Variants in MGAT5 observed in about 807,000 individuals in gnomAD.
The protein encoded by MGAT5 is alpha-1,6-mannosylglycoprotein 6-beta-N-acetylglucosaminyltransferase A.
In MGAT5, 30 loss-of-function variants were observed where a neutral mutation model predicts 94.3. That is an observed-to-expected ratio of 0.32 (90% CI 0.24 to 0.43). The LOEUF is 0.43. Ranked by LOEUF, MGAT5 falls within the 20% of genes least tolerant of loss-of-function variation. MGAT5 has a pLI of 1.00. For missense variants in MGAT5, 691 were observed against 905.5 expected (o/e 0.76, Z 3.04); for synonymous variants, 310 against 322.9 (o/e 0.96, Z 0.43).
intron 11 of MGAT5, among the ~76,000 whole-genome samples, chr2:134,404,536 T>G (rs1186779675): frequency 6.6e-6 from 1 of 152,134 alleles, no homozygotes; most frequent in Non-Finnish European, 1.5e-5. Flanking sequence ...TAATTGCACA[T>G]TAAAGCTCTG....
chr2:134,221,217 T>C (rs1451770561), intron 1 of MGAT5, among the ~76,000 whole-genome samples: 1 of 152,240 alleles, frequency 6.6e-6, no homozygotes, highest in Non-Finnish European at 1.5e-5. Context: ...CTTGGTTTTA[T>C]GTATTTTAGG....
In MGAT5 at chr2:134,403,160, G is replaced by C. The variant is rs376183905; in HGVS notation, c.1530+23G>C. ...AAGGTAAAAATTCACCACGGATGTG[G>C]TGTTCAGGTTATTGCCATTGGCTGT... is the stretch of plus-strand genomic sequence containing the variant. On this transcript the variant is annotated intron_variant, in intron 11 of 15. Coordinates refer to ENST00000281923, the MANE Select transcript of MGAT5 (RefSeq NM_002410.5). 2.5e-5 allele frequency: 40 copies of C among 1,592,062 alleles called. No individual in the cohort carries two copies. In the African/African-American group the frequency reaches 5.0e-4, roughly 20 times the overall value.
intron 10 of MGAT5, among the ~76,000 whole-genome samples, chr2:134,393,526 T>G (rs1228304286): frequency 6.6e-6 from 1 of 152,156 alleles, no homozygotes. Context: ...TATGTCTTAT[T>G]TGGAGTCTGT....
intron 1 of MGAT5, among the ~76,000 whole-genome samples, chr2:134,258,749 C>T (rs762610906): frequency 3.9e-5 from 6 of 152,152 alleles, no homozygotes; most frequent in Non-Finnish European, 7.3e-5. Flanking sequence ...AGTGGCAGGT[C>T]GAGAGTTGTA....
chr2:134,169,537 C>A (rs1403362852), intron 1 of MGAT5, among the ~76,000 whole-genome samples: 4 of 152,038 alleles, frequency 2.6e-5, no homozygotes, highest in African/African-American at 9.7e-5. Flanking sequence ...ACAGCATAAT[C>A]CCAAGAAGAA....
intron 2 of MGAT5, among the ~76,000 whole-genome samples, chr2:134,275,825 C>T (rs897394351): frequency 6.6e-6 from 1 of 152,058 alleles, no homozygotes; most frequent in East Asian, 1.9e-4. Context: ...TAGGCTCAAA[C>T]GATCCTCCCA....
chr2:134,149,806 A>G (rs1420022486), intron 1 of MGAT5, among the ~76,000 whole-genome samples: 1 of 152,214 alleles, frequency 6.6e-6, no homozygotes, highest in Non-Finnish European at 1.5e-5. Context: ...GAAAAGCCCT[A>G]TCACCTCTAA....
chr2:134,370,286 T>C (rs1680703342), intron 10 of MGAT5, among the ~76,000 whole-genome samples: 1 of 152,244 alleles, frequency 6.6e-6, no homozygotes, highest in African/African-American at 2.4e-5. Flanking sequence ...AGATTAAACC[T>C]TGTCATTCTG....
At chr2:134,189,676 A>G (rs1689271472) in intron 1 of MGAT5, among the ~76,000 whole-genome samples, 2 of 139,588 alleles carry the variant, frequency 1.4e-5, no homozygotes, top group Non-Finnish European at 3.0e-5. Context: ...ATCTTGGCTC[A>G]CTGCAACCTC....
intron 13 of MGAT5, among the ~76,000 whole-genome samples, chr2:134,425,176 AAGC>A (rs1684507825): frequency 6.6e-6 from 1 of 152,224 alleles, no homozygotes; most frequent in Non-Finnish European, 1.5e-5. Context: ...AAAACCTTGA[AAGC>A]AGCCAGAGAA....
intron 10 of MGAT5, among the ~76,000 whole-genome samples, chr2:134,375,780 G>A (rs1265434789): frequency 6.6e-6 from 1 of 152,192 alleles, no homozygotes; most frequent in African/African-American, 2.4e-5. Flanking sequence ...GTCCACATGT[G>A]GGTTGGGGGG....
At chr2:134,178,175 A>G (rs10928485) in intron 1 of MGAT5, among the ~76,000 whole-genome samples, 43,875 of 151,890 alleles carry the variant, frequency 0.29, 9,101 homozygotes, top group African/African-American at 0.58. Context: ...CTGTAAAAAC[A>G]TCTAAAACTA....
intron 1 of MGAT5, among the ~76,000 whole-genome samples, chr2:134,168,121 A>G (rs747766036): frequency 2.0e-5 from 3 of 152,204 alleles, no homozygotes; most frequent in Non-Finnish European, 4.4e-5. Flanking sequence ...TGTTGCATTA[A>G]AGCAACAGCA....
intron 10 of MGAT5, among the ~76,000 whole-genome samples, chr2:134,374,735 GT>G (rs760658711): frequency 1.4e-4 from 21 of 152,208 alleles, no homozygotes; most frequent in Non-Finnish European, 2.4e-4. Context: ...GCTCATGCCT[GT>G]AATCCCAGTA....
chr2:134,338,167 AC>A, intron 5 of MGAT5, 91 bp from the exon 6 acceptor site: 1 of 1,067,998 alleles, frequency 9.4e-7, no homozygotes, highest in South Asian at 1.8e-5. Context: ...TAATTGACTA[AC>A]CCTTTTAAGT....
upstream of MGAT5, among the ~76,000 whole-genome samples, chr2:134,249,405 T>C (rs991349693): frequency 7.9e-5 from 12 of 152,124 alleles, no homozygotes; most frequent in African/African-American, 2.9e-4. Context: ...CACCTCTCAT[T>C]TCCTCCATTC....
intron 9 of MGAT5, among the ~76,000 whole-genome samples, chr2:134,351,290 C>T (rs1679366008): frequency 6.6e-6 from 1 of 152,116 alleles, no homozygotes; most frequent in Non-Finnish European, 1.5e-5. Flanking sequence ...GAGTTTGCCT[C>T]TGGTTTGACT....
chr2:134,235,925 T>A (rs1438970275), intron 1 of MGAT5, among the ~76,000 whole-genome samples: 2 of 152,170 alleles, frequency 1.3e-5, no homozygotes, highest in Admixed American at 1.3e-4. Flanking sequence ...GTAACTCAGT[T>A]TCTGTCTTGC....
At chr2:134,374,316 G>C (rs775192062) in intron 10 of MGAT5, among the ~76,000 whole-genome samples, 2 of 152,094 alleles carry the variant, frequency 1.3e-5, no homozygotes, top group South Asian at 4.1e-4. Context: ...TTTGATAGAC[G>C]TGAAAATCAT....
Sources: gnomAD v4.1 joint callset for allele counts (sites outside exome capture counted in the v4.1 genomes callset) on GRCh38, gnomAD v4.1.1 for gene constraint, MANE v1.5 for transcripts, NCBI Gene and HGNC (gene_info 2026-07-23, HGNC 2026-07-21) for gene names.